NCK2: variants seen among roughly 807,000 people sequenced by gnomAD.
The protein encoded by NCK2 is cytoplasmic protein NCK2.
A neutral mutation model predicts 33.9 loss-of-function variants in NCK2; 16 were observed. The ratio of observed to expected loss-of-function variants is 0.47; its 90% CI spans 0.32 to 0.72. NCK2 has a LOEUF of 0.72. Ranked by LOEUF, NCK2 falls within the 30% of genes least tolerant of loss-of-function variation. NCK2 has a pLI of 0.03. For missense variants in NCK2, 418 were observed against 537.3 expected, an observed-to-expected ratio of 0.78 and a Z score of 2.19; for synonymous variants, 273 against 239.9, an observed-to-expected ratio of 1.14 and a Z score of -1.27.
chr2:105,824,837 A>G (rs1675881124), intron 2 of NCK2, among the ~76,000 whole-genome samples: 1 of 152,176 alleles, frequency 6.6e-6, no homozygotes, highest in South Asian at 2.1e-4. Context: ...CCTGGTTGCC[A>G]TGCCCCACAG....
chr2:105,882,771 C>G (rs987040038), intron 4 of NCK2, among the ~76,000 whole-genome samples: 1 of 152,204 alleles, frequency 6.6e-6, no homozygotes, highest in African/African-American at 2.4e-5. Context: ...GAAGGAAATA[C>G]TCGACCAGTT....
intron 1 of NCK2, among the ~76,000 whole-genome samples, chr2:105,793,253 G>C (rs1690957241): frequency 6.6e-6 from 1 of 151,502 alleles, no homozygotes; most frequent in Admixed American, 6.6e-5. Context: ...CTGGAAACCA[G>C]AGTGCTGCCT....
intron 2 of NCK2, among the ~76,000 whole-genome samples, chr2:105,821,665 G>A (rs980419096): frequency 1.3e-5 from 2 of 152,212 alleles, no homozygotes; most frequent in Admixed American, 6.5e-5. Flanking sequence ...TGGGGTCATC[G>A]TTGGCAGGTG....
At position 105,893,279 on chromosome 2, in the gene NCK2, C is replaced by T; in HGVS notation, c.*103C>T. ...CGCGGGGACGGCCCCGACGGCTTCT[C>T]TGCGAGTCTCTCTTTATGTTCAGGT... On this transcript the variant is annotated 3_prime_UTR_variant, in exon 5 of 5. Coordinates refer to ENST00000233154, the MANE Select transcript of NCK2 (RefSeq NM_003581.5). 8.9e-7 allele frequency: 1 copy of T among 1,124,536 alleles called. No individual in the cohort carries two copies. 69.7% of individuals were successfully genotyped at this position (1,124,536 alleles called of 1,614,324 possible). A position where few individuals can be genotyped will look rare whatever the true frequency, so the allele number is the denominator to read the frequency against.
chr2:105,813,285 G>A (rs1237780374), intron 1 of NCK2, among the ~76,000 whole-genome samples: 2 of 152,160 alleles, frequency 1.3e-5, no homozygotes, highest in African/African-American at 2.4e-5. Context: ...CAGTGGGAGA[G>A]GAGGGATTCC....
At chr2:105,799,469 GGACTT>G (rs1483142650) in intron 1 of NCK2, among the ~76,000 whole-genome samples, 2 of 152,048 alleles carry the variant, frequency 1.3e-5, no homozygotes, top group Non-Finnish European at 2.9e-5. Flanking sequence ...TCTTCCCTGG[GGACTT>G]GACTTGAGAT....
intron 1 of NCK2, among the ~76,000 whole-genome samples, chr2:105,750,700 C>T (rs139695088): frequency 1.3e-5 from 2 of 152,350 alleles, no homozygotes; most frequent in African/African-American, 2.4e-5. Context: ...AAAATCTTGA[C>T]TTGATTTCAT....
chr2:105,869,863 C>T (rs1211696160), intron 3 of NCK2, among the ~76,000 whole-genome samples: 1 of 152,070 alleles, frequency 6.6e-6, no homozygotes, highest in East Asian at 1.9e-4. Flanking sequence ...CATCTGTGTT[C>T]CCATTTGACT....
Position 105,882,048 on chromosome 2 carries a change from C to T in NCK2, c.947C>T (p.Ser316Leu). Reference protein sequence around the residue: ...GDFLIRDSESSPSDFSVSLKA... With the variant: ...GDFLIRDSESLPSDFSVSLKA... Reference sequence around the variant, plus strand: ...TTCCTCATTAGGGACAGCGAGTCCTCGGTAAGTGCGCTGCGCCCACAGCTC... The same window carrying T: ...TTCCTCATTAGGGACAGCGAGTCCTTGGTAAGTGCGCTGCGCCCACAGCTC... The change falls in exon 4 of 5, where the codon TCG becomes TTG. Residue 316 changes from serine (S) to leucine (L), a missense_variant and splice_region_variant. Ser to Leu is a moderately radical substitution (Grantham distance 145, BLOSUM62 -2). Transcript: ENST00000233154. 1 of 1,496,378 alleles carries T rather than the reference C, an allele frequency of 6.7e-7. No homozygotes were observed. The highest frequency in any genetic ancestry group is 8.9e-7 in the Non-Finnish European group (1 of 1,122,396). 92.7% of individuals were successfully genotyped at this position (1,496,378 alleles called of 1,614,324 possible). A position where few individuals can be genotyped will look rare whatever the true frequency, so the allele number is the denominator to read the frequency against.
intron 1 of NCK2, among the ~76,000 whole-genome samples, chr2:105,769,689 A>G (rs577091248): frequency 5.3e-5 from 8 of 152,302 alleles, no homozygotes; most frequent in African/African-American, 1.9e-4. Context: ...GGGTCCACGC[A>G]GCTTCCGCCC....
intron 3 of NCK2, among the ~76,000 whole-genome samples, chr2:105,858,514 G>A (rs1309306461): frequency 1.3e-5 from 2 of 152,064 alleles, no homozygotes; most frequent in African/African-American, 4.8e-5. Context: ...ACCCACATTT[G>A]CCATTTTTAC....
At chr2:105,797,434 C>T (rs1175013542) in intron 1 of NCK2, among the ~76,000 whole-genome samples, 1 of 152,178 alleles carries the variant, frequency 6.6e-6, no homozygotes, top group African/African-American at 2.4e-5. Context: ...GTATCCAGGT[C>T]TTTCTAAGGG....
chr2:105,806,722 G>T (rs959111984), intron 1 of NCK2, among the ~76,000 whole-genome samples: 3 of 152,004 alleles, frequency 2.0e-5, no homozygotes, highest in African/African-American at 7.2e-5. Context: ...AAAAAATCAC[G>T]TTGATTCAGT....
At chr2:105,822,056 A>G (rs1251141029) in intron 2 of NCK2, among the ~76,000 whole-genome samples, 1 of 152,082 alleles carries the variant, frequency 6.6e-6, no homozygotes, top group African/African-American at 2.4e-5. Flanking sequence ...GTGGCAGAGC[A>G]GGCTGGGAGC....
intron 1 of NCK2, among the ~76,000 whole-genome samples, chr2:105,751,892 C>T (rs1056886072): frequency 7.2e-5 from 11 of 152,090 alleles, no homozygotes; most frequent in African/African-American, 2.7e-4. Flanking sequence ...AATGCAAGCC[C>T]CAGATGTAAT....
intron 1 of NCK2, among the ~76,000 whole-genome samples, chr2:105,771,201 C>T (rs188656390): frequency 2.0e-5 from 3 of 151,896 alleles, no homozygotes; most frequent in East Asian, 2.0e-4. Context: ...GGATTACAGG[C>T]GTGAGCCACC....
intron 1 of NCK2, among the ~76,000 whole-genome samples, chr2:105,751,401 ACAGT>A (rs1689451488): frequency 6.6e-6 from 1 of 152,134 alleles, no homozygotes; most frequent in African/African-American, 2.4e-5. Flanking sequence ...CTGCACCCTG[ACAGT>A]CAGGTCTGGC....
intron 3 of NCK2, among the ~76,000 whole-genome samples, chr2:105,877,258 G>T (rs146993597): frequency 2.1e-4 from 32 of 152,060 alleles, no homozygotes; most frequent in Middle Eastern, 6.8e-3. Flanking sequence ...CAGCTTTCTT[G>T]CTCTGGTATC....
At chr2:105,863,548 G>T (rs951895461) in intron 3 of NCK2, among the ~76,000 whole-genome samples, 1 of 152,138 alleles carries the variant, frequency 6.6e-6, no homozygotes, top group East Asian at 1.9e-4. Flanking sequence ...TCATCTGGTC[G>T]GGATGTGAAG....
Sources: gnomAD v4.1 joint callset for allele counts (sites outside exome capture counted in the v4.1 genomes callset) on GRCh38, gnomAD v4.1.1 for gene constraint, MANE v1.5 for transcripts, NCBI Gene and HGNC (gene_info 2026-07-23, HGNC 2026-07-21) for gene names.